ZNF347: variants seen among roughly 807,000 people sequenced by gnomAD.
ZNF347 encodes the protein zinc finger protein 347, also known as CTD-2620I22.7.
In ZNF347, 19 loss-of-function variants were observed where a neutral mutation model predicts 12.9. The ratio of observed to expected loss-of-function variants is 1.47; its 90% CI spans 1.03 to 2.16. The LOEUF (loss-of-function observed/expected upper bound fraction) is 2.16, where lower values mean the gene tolerates loss of function less well. ZNF347 is among the 30% of genes most tolerant of loss of function. The probability of loss-of-function intolerance (pLI) is 0.00; values close to 1 mark genes in which losing one functional copy is unlikely to be tolerated. For synonymous variants in ZNF347, 328 were observed against 340.6 expected, an observed-to-expected ratio of 0.96 and a Z score of 0.41; for missense variants, 1,005 against 990.6, an observed-to-expected ratio of 1.01 and a Z score of -0.19.
intron 4 of ZNF347, among the ~76,000 whole-genome samples, chr19:53,147,228 A>G (rs1163776034): frequency 6.6e-6 from 1 of 151,664 alleles, no homozygotes; most frequent in Non-Finnish European, 1.5e-5. Context: ...TACAAAAATC[A>G]GCCAAGTGTG....
At chr19:53,143,103 C>A (rs975707211) in intron 4 of ZNF347, among the ~76,000 whole-genome samples, 3 of 152,090 alleles carry the variant, frequency 2.0e-5, no homozygotes, top group Admixed American at 1.3e-4. Context: ...ATAAAAAATT[C>A]AAAATGCAGG....
intron 2 of ZNF347, among the ~76,000 whole-genome samples, chr19:53,150,088 T>C (rs2090487989): frequency 6.6e-6 from 1 of 152,210 alleles, no homozygotes; most frequent in Non-Finnish European, 1.5e-5. Context: ...GAATTCATGA[T>C]GTATAAGCCA....
intron 4 of ZNF347, among the ~76,000 whole-genome samples, chr19:53,144,417 G>A (rs568887967): frequency 1.4e-3 from 213 of 152,130 alleles, no homozygotes; most frequent in African/African-American, 4.8e-3. Flanking sequence ...CTTAGCAAAA[G>A]GACATAATAA....
At chr19:53,146,354 A>T (rs147867005) in intron 4 of ZNF347, among the ~76,000 whole-genome samples, 2,862 of 152,006 alleles carry the variant, frequency 0.019, 40 homozygotes, top group Middle Eastern at 0.054. Context: ...AACTCACTGC[A>T]GCCTTGAACT....
rs1443139772 is a variant in ZNF347 at position 53,138,565 on chromosome 19, TTTCTATGGGATTTTCA to T, written c.*1727_*1742del. ...GAGTGTAAGAGTATGAAAACTGCAC[TTTCTATGGGATTTTCA>T]TTATATCCATATAAATATTCTAAGG... On this transcript the variant is annotated 3_prime_UTR_variant, in exon 5 of 5. Coordinates refer to ENST00000334197, the MANE Select transcript of ZNF347 (RefSeq NM_032584.3). The T allele has an allele frequency of 1.3e-5, 2 of 152,210 alleles. No individual in the cohort carries two copies. The highest frequency in any genetic ancestry group is 2.9e-5 in the Non-Finnish European group (2 of 68,044). 9.4% of individuals were successfully genotyped at this position (152,210 alleles called of 1,614,324 possible).
At position 53,141,696 on chromosome 19, in the gene ZNF347, A is replaced by C. The variant is rs2090428534; in HGVS notation, c.1132T>G (p.Cys378Gly). 1 of 1,613,868 alleles carries C rather than the reference A, an allele frequency of 6.2e-7. No homozygotes were observed. Among genetic ancestry groups the C allele is most frequent in the African/African-American group, 1.3e-5 (1 of 74,892 alleles). Reference sequence around the variant, plus strand: ...GAACGAGCTCTAAAGGCTTTCCCACACTCATTACACTTGTAAGGTTTCTCT... The same window carrying C: ...GAACGAGCTCTAAAGGCTTTCCCACCCTCATTACACTTGTAAGGTTTCTCT... ...TGEKPYKCNE[C>G]GKAFRARSSL... The change falls in exon 5 of 5, where the codon TGT becomes GGT. Residue 378 changes from cysteine (C) to glycine (G), a missense_variant. Physicochemically the swap from Cys to Gly is radical, Grantham distance 159. Transcript: ENST00000334197.
chr19:53,149,275 C>T lies in ZNF347; in HGVS notation c.108G>A (p.Val36=), dbSNP rs2090482433. The change falls in exon 3 of 5, where the codon GTG becomes GTA. Residue 36 remains valine, a synonymous_variant. Transcript: ENST00000334197. The part of the protein sequence containing the change: ...DPAQRTLYRD[V]MLENYRNLAS... ...CCAGGTTCCTATAATTCTCCAACATCACGTCCCTGTACAAAGTCCTCTGAG... is the reference window on the plus strand; with the variant it reads ...CCAGGTTCCTATAATTCTCCAACATTACGTCCCTGTACAAAGTCCTCTGAG... 1.2e-6 allele frequency: 2 copies of T among 1,613,782 alleles called. No homozygotes were observed. Among genetic ancestry groups the T allele is most frequent in the Non-Finnish European group, 1.7e-6 (2 of 1,179,904 alleles).
chr19:53,140,231 A>T lies in ZNF347; in HGVS notation c.*77T>A. 1.5e-6 allele frequency: 2 copies of T among 1,372,502 alleles called. No homozygotes were observed. The highest frequency in any genetic ancestry group is 2.9e-5 in the South Asian group (2 of 69,962). The allele number at this position is 1,372,502 out of a possible 1,614,324, so 85.0% of individuals were successfully genotyped here. A position where few individuals can be genotyped will look rare whatever the true frequency, so the allele number is the denominator to read the frequency against. Reference sequence around the variant, plus strand: ...TGCATTTTCAAGGAATCTCTCAGGCATAAATTCTCTGACGTTGTCAAAGGA... The same window carrying T: ...TGCATTTTCAAGGAATCTCTCAGGCTTAAATTCTCTGACGTTGTCAAAGGA... On this transcript the variant is annotated 3_prime_UTR_variant, in exon 5 of 5. Coordinates refer to ENST00000334197, the MANE Select transcript of ZNF347 (RefSeq NM_032584.3).
Position 53,141,433 on chromosome 19 carries a change from G to C in ZNF347, c.1395C>G (p.Val465=). The C allele has an allele frequency of 1.2e-6, 2 of 1,613,912 alleles. No individual in the cohort carries two copies. The highest frequency in any genetic ancestry group is 1.7e-6 in the Non-Finnish European group (2 of 1,179,950). Reference sequence around the variant, plus strand: ...TTGCAAGGTGTGAATTACGCCTAAAGACCTTGCCGCATTCATGACATTTGT... The same window carrying C: ...TTGCAAGGTGTGAATTACGCCTAAACACCTTGCCGCATTCATGACATTTGT... The part of the protein sequence containing the change: ...KPYKCHECGK[V]FRRNSHLARH... The change falls in exon 5 of 5, where the codon GTC becomes GTG. Residue 465 remains valine, a synonymous_variant. Coordinates refer to ENST00000334197, the MANE Select transcript of ZNF347 (RefSeq NM_032584.3).
intron 4 of ZNF347, among the ~76,000 whole-genome samples, chr19:53,143,499 T>C (rs2090443323): frequency 6.6e-6 from 1 of 151,314 alleles, no homozygotes; most frequent in African/African-American, 2.4e-5. Flanking sequence ...GTCCTTGCGA[T>C]AGTTTGCTGA....
chr19:53,137,231 T>C lies in ZNF347; in HGVS notation c.*3077A>G, dbSNP rs2090392516. The C allele has an allele frequency of 6.6e-6, 1 of 152,158 alleles. No individual in the cohort carries two copies. The highest frequency in any genetic ancestry group is 1.5e-5 in the Non-Finnish European group (1 of 68,018). 9.4% of individuals were successfully genotyped at this position (152,158 alleles called of 1,614,324 possible). A position where few individuals can be genotyped will look rare whatever the true frequency, so the allele number is the denominator to read the frequency against. Reference sequence around the variant, plus strand: ...AAGTTGCAAGAGTAAATATTCAGTGTTGTACTACAGTCAGTTTCCATTTTG... The same window carrying C: ...AAGTTGCAAGAGTAAATATTCAGTGCTGTACTACAGTCAGTTTCCATTTTG... On this transcript the variant is annotated 3_prime_UTR_variant, in exon 5 of 5. Transcript: ENST00000334197.
At chr19:53,148,879 G>T in intron 3 of ZNF347, 70 bp from the exon 4 acceptor site, 1 of 1,552,614 alleles carries the variant, frequency 6.4e-7, no homozygotes, top group Non-Finnish European at 8.7e-7. Context: ...GTTTACATGA[G>T]GAGGGAGGAC....
Position 53,137,060 on chromosome 19 carries a change from A to T in ZNF347, c.*3248T>A, listed in dbSNP as rs1420590218. On this transcript the variant is annotated 3_prime_UTR_variant, in exon 5 of 5. Transcript: ENST00000334197. ...GCCACCACACCTGGCTAATTTTTGT[A>T]TTTTTAGTAGAGATGGGGTTTCACC... The T allele has an allele frequency of 6.6e-6, 1 of 151,908 alleles. No homozygotes were observed. Among genetic ancestry groups the T allele is most frequent in the Non-Finnish European group, 1.5e-5 (1 of 68,050 alleles). The allele number at this position is 151,908 out of a possible 1,614,324, so 9.4% of individuals were successfully genotyped here.
chr19:53,157,455 C>T (rs2090543104), intron 1 of ZNF347, among the ~76,000 whole-genome samples: 2 of 152,144 alleles, frequency 1.3e-5, no homozygotes, highest in South Asian at 2.1e-4. Flanking sequence ...GTTCTTTGCG[C>T]GTCGTTCTGA....
In ZNF347 at chr19:53,140,680, T is replaced by C. The variant is rs1312712778; in HGVS notation, c.2148A>G (p.Lys716=). 1 of 1,613,262 alleles carries C rather than the reference T, an allele frequency of 6.2e-7. No individual in the cohort carries two copies. The highest frequency in any genetic ancestry group is 1.3e-5 in the African/African-American group (1 of 74,588). ...TTAGGCTTGAACGGACACTAAAGGC[T>C]TTCCCACACTGATTACACTCATATG... is the stretch of plus-strand genomic sequence containing the variant. ...EKPYECNQCG[K]AFSVRSSLTT... The change falls in exon 5 of 5, where the codon AAA becomes AAG. Residue 716 remains lysine, a synonymous_variant. Transcript: ENST00000334197.
rs777199587 is a variant in ZNF347 at position 53,142,343 on chromosome 19, T to A, written c.485A>T (p.Asn162Ile). The A allele has an allele frequency of 4.3e-6, 7 of 1,614,044 alleles. No homozygotes were observed. The African/African-American group carries it at 8.0e-5, about 18-fold the overall frequency. ...ATGTTCATCTCTTCCATGAGTGAGATTGCCTTCTTGGGTCAAAAGCACTCC... is the reference window on the plus strand; with the variant it reads ...ATGTTCATCTCTTCCATGAGTGAGAATGCCTTCTTGGGTCAAAAGCACTCC... ...YKGVLLTQEG[N>I]LTHGRDEHDK... The change falls in exon 5 of 5, where the codon AAT (asparagine) becomes ATT (isoleucine). Residue 162 changes from asparagine (N) to isoleucine (I), a missense_variant. By Grantham distance (149) the Asn-to-Ile change is moderately radical. Coordinates refer to ENST00000334197, the MANE Select transcript of ZNF347 (RefSeq NM_032584.3).
rs1599851704 is a variant in ZNF347, at chr19:53,141,210, G to C, written c.1618C>G (p.Pro540Ala). The C allele has an allele frequency of 3.7e-6, 6 of 1,608,278 alleles. No homozygotes were observed. The highest frequency in any genetic ancestry group is 2.7e-5 in the African/African-American group (2 of 74,594). The change falls in exon 5 of 5, where the codon CCT becomes GCT. Residue 540 changes from proline (P) to alanine (A), a missense_variant. Coordinates refer to ENST00000334197, the MANE Select transcript of ZNF347 (RefSeq NM_032584.3). ...TTGCCGCACTCATTACACATATAAG[G>C]CTTCACTCCAGTATGAATTCTTTGA... ...NHQRIHTGVK[P>A]YMCNECGKAF...
chr19:53,145,977 A>C (rs751649548), intron 4 of ZNF347, among the ~76,000 whole-genome samples: 5 of 151,846 alleles, frequency 3.3e-5, no homozygotes, highest in African/African-American at 4.8e-5. Flanking sequence ...GATTAAAAAA[A>C]AATTTTTTTT....
chr19:53,153,893 A>T, intron 1 of ZNF347, 100 bp from the exon 2 acceptor site: 1 of 658,836 alleles, frequency 1.5e-6, no homozygotes, highest in Non-Finnish European at 2.5e-6. Context: ...TGCCACAATC[A>T]CACACACACA....
Sources: gnomAD v4.1 joint callset for allele counts (sites outside exome capture counted in the v4.1 genomes callset) on GRCh38, gnomAD v4.1.1 for gene constraint, MANE v1.5 for transcripts, NCBI Gene and HGNC (gene_info 2026-07-23, HGNC 2026-07-21) for gene names.